The following PRELID2 variants were observed in gnomAD, a reference collection of about 807,000 sequenced individuals.
PRELID2 encodes the protein PRELI domain-containing protein 2.
In PRELID2, 25 loss-of-function variants were observed where a neutral mutation model predicts 28.4. The ratio of observed to expected loss-of-function variants is 0.88; its 90% CI spans 0.64 to 1.23. The LOEUF (loss-of-function observed/expected upper bound fraction) is 1.23. Ranked by LOEUF, PRELID2 falls within the 50% of genes most tolerant of loss-of-function variation. The pLI is 0.00. For missense variants in PRELID2, 201 were observed against 214.4 expected, an observed-to-expected ratio of 0.94 and a Z score of 0.39; for synonymous variants, 76 against 71.6, an observed-to-expected ratio of 1.06 and a Z score of -0.31.
Position 145,626,497 on chromosome 5 carries a change from G to A in PRELID2, n.70+138434C>T, listed in dbSNP as rs554758112. Among the ~76,000 whole-genome samples the A allele has an allele frequency of 2.0e-5, 3 of 152,056 alleles. No individual in the cohort carries two copies. The South Asian group carries it at 6.3e-4, about 32-fold the overall frequency. On this transcript the variant is annotated intron_variant and non_coding_transcript_variant, in intron 1 of 2. Coordinates refer to the PRELID2 transcript ENST00000510259. ...ATACCATCTTACATCAGTCAGTATG[G>A]CTATTATTAAAAAGTAAAAAAATGT...
At chr5:145,422,391 G>A in the PRELID2 span, among the ~76,000 whole-genome samples, 1 of 152,130 alleles carries the variant, frequency 6.6e-6, no homozygotes, top group African/African-American at 2.4e-5. Context: ...GGTCACTCAG[G>A]ACTTGCTTTG....
chr5:145,680,572 G>A (rs1385276845), intron 1 of PRELID2, among the ~76,000 whole-genome samples: 1 of 152,212 alleles, frequency 6.6e-6, no homozygotes, highest in Non-Finnish European at 1.5e-5. Context: ...TGTGAGAAGA[G>A]ACAATTTGTT....
chr5:145,435,012 C>T, the PRELID2 span, among the ~76,000 whole-genome samples: 1 of 152,114 alleles, frequency 6.6e-6, no homozygotes, highest in Non-Finnish European at 1.5e-5. Context: ...AAACAAATGC[C>T]TATTCTCCTT....
At chr5:145,825,078 T>C (rs1463577995) in intron 1 of PRELID2, among the ~76,000 whole-genome samples, 1 of 151,326 alleles carries the variant, frequency 6.6e-6, no homozygotes, top group African/African-American at 2.4e-5. Flanking sequence ...ATACAAAAAT[T>C]AGCCAGATGT....
In PRELID2 at chr5:145,748,326, C is replaced by T. The variant is rs145752496; in HGVS notation, n.70+16605G>A. Among the ~76,000 whole-genome samples, 542 of 151,552 alleles carry T rather than the reference C, an allele frequency of 3.6e-3. 1 individual carries two copies. The highest frequency in any genetic ancestry group is 7.4e-3 in the Admixed American group (113 of 15,194). On this transcript the variant is annotated intron_variant and non_coding_transcript_variant, in intron 1 of 2. Coordinates refer to the PRELID2 transcript ENST00000510259. ...AGCAAAAATCACAAGCATTGCTTTA[C>T]GTTAACAATAGACAGAGAGCCAAAT...
chr5:145,779,734 A>G (rs1435302295), intron 5 of PRELID2, among the ~76,000 whole-genome samples: 10 of 152,086 alleles, frequency 6.6e-5, no homozygotes, highest in Admixed American at 6.5e-4. Flanking sequence ...TCACTCTCAT[A>G]CTCATAAGAT....
chr5:145,319,023 C>T, the PRELID2 span, among the ~76,000 whole-genome samples: 5 of 152,170 alleles, frequency 3.3e-5, no homozygotes, highest in Admixed American at 1.3e-4. Flanking sequence ...AGCCAAACTC[C>T]TCAACATTCA....
At chr5:145,812,252 G>C (rs985374328) in intron 4 of PRELID2, among the ~76,000 whole-genome samples, 1 of 151,832 alleles carries the variant, frequency 6.6e-6, no homozygotes, top group African/African-American at 2.4e-5. Flanking sequence ...ACAGTCATGA[G>C]GAATCCAAAC....
At chr5:145,726,063 A>C (rs1323982957) in intron 1 of PRELID2, among the ~76,000 whole-genome samples, 1 of 151,898 alleles carries the variant, frequency 6.6e-6, no homozygotes, top group East Asian at 1.9e-4. Context: ...CAGCTACTCC[A>C]GAGGCTGAGG....
At chr5:145,581,395 C>T (rs557889791) in intron 1 of PRELID2, among the ~76,000 whole-genome samples, 99 of 152,212 alleles carry the variant, frequency 6.5e-4, no homozygotes, top group African/African-American at 2.4e-3. Flanking sequence ...ATTGCGCAGA[C>T]ATGCAAGGAT....
chr5:145,386,240 AC>A, the PRELID2 span, among the ~76,000 whole-genome samples: 8 of 152,082 alleles, frequency 5.3e-5, no homozygotes, highest in East Asian at 1.6e-3. Flanking sequence ...ATGAGAACTC[AC>A]CCACTCTCAT....
the PRELID2 span, among the ~76,000 whole-genome samples, chr5:145,440,370 A>T: frequency 6.6e-6 from 1 of 152,020 alleles, no homozygotes; most frequent in Non-Finnish European, 1.5e-5. Context: ...TATCCTTGGG[A>T]CTCAATTTGA....
At chr5:145,239,585 T>G in the PRELID2 span, among the ~76,000 whole-genome samples, 1 of 152,068 alleles carries the variant, frequency 6.6e-6, no homozygotes, top group Non-Finnish European at 1.5e-5. Flanking sequence ...TCTGTTGAAT[T>G]GAATTAAATC....
chr5:145,826,372 T>C (rs1755194243), intron 1 of PRELID2, among the ~76,000 whole-genome samples: 1 of 152,190 alleles, frequency 6.6e-6, no homozygotes, highest in Non-Finnish European at 1.5e-5. Flanking sequence ...TCTTTCTTGA[T>C]CCTGGCTTAG....
chr5:145,600,434 A>AAAAATATAT (rs1315631607), intron 1 of PRELID2, among the ~76,000 whole-genome samples: 86 of 120,082 alleles, frequency 7.2e-4, no homozygotes, highest in African/African-American at 3.2e-3. Flanking sequence ...AAAAAAAAAA[A>AAAAATATAT]ATATATATAT....
chr5:145,651,922 G>A (rs1754304840), intron 1 of PRELID2, among the ~76,000 whole-genome samples: 1 of 152,250 alleles, frequency 6.6e-6, no homozygotes, highest in African/African-American at 2.4e-5. Flanking sequence ...TTGACAAGTT[G>A]AGAGATAAAG....
chr5:145,463,043 T>C, the PRELID2 span, among the ~76,000 whole-genome samples: 1 of 152,166 alleles, frequency 6.6e-6, no homozygotes. Flanking sequence ...ATAAAAAGTT[T>C]GATTTGAAAT....
chr5:145,423,159 G>T, the PRELID2 span, among the ~76,000 whole-genome samples: 1 of 151,934 alleles, frequency 6.6e-6, no homozygotes, highest in Non-Finnish European at 1.5e-5. Context: ...CTCTCTGGCT[G>T]CCCTTAACAT....
chr5:145,600,602 A>T (rs1279402771), intron 1 of PRELID2, among the ~76,000 whole-genome samples: 10 of 151,684 alleles, frequency 6.6e-5, no homozygotes, highest in Non-Finnish European at 1.5e-5. Context: ...TTTTAGGAAA[A>T]TTTTCAGCAA....
Sources: gnomAD v4.1 joint callset for allele counts (sites outside exome capture counted in the v4.1 genomes callset) on GRCh38, gnomAD v4.1.1 for gene constraint, MANE v1.5 for transcripts, NCBI Gene and HGNC (gene_info 2026-07-23, HGNC 2026-07-21) for gene names.